Variants in PDZD8 observed in about 807,000 individuals in gnomAD.
The protein encoded by PDZD8 is PDZ domain-containing protein 8.
A neutral mutation model predicts 85.8 loss-of-function variants in PDZD8; 14 were observed. The ratio of observed to expected loss-of-function variants is 0.16; its 90% CI spans 0.11 to 0.26. The LOEUF (loss-of-function observed/expected upper bound fraction) is 0.26, where lower values mean the gene tolerates loss of function less well. Among genes scored for constraint, PDZD8 ranks in the 10% least tolerant of loss-of-function variants. The pLI is 1.00. For synonymous variants in PDZD8, 592 were observed against 568.6 expected (o/e 1.04, Z -0.59); for missense variants, 1,197 against 1,424.3 (o/e 0.84, Z 2.57).
Position 117,284,778 on chromosome 10 carries a change from A to G in PDZD8, c.1955T>C (p.Leu652Ser). Residue 652 changes from leucine to serine, a missense_variant, in exon 5 of 5, where the codon TTA becomes TCA. Transcript: ENST00000334464. ...IDDAAAPKQF[L>S]AKQEVAKDVT... is the part of the protein sequence containing the mutation. ...ATCTTTGGCCACTTCTTGCTTTGCTAAAAATTGCTTAGGTGCAGCTGCATC... is the reference window on the plus strand; with the variant it reads ...ATCTTTGGCCACTTCTTGCTTTGCTGAAAATTGCTTAGGTGCAGCTGCATC... 1 of 1,614,246 alleles carries G rather than the reference A, an allele frequency of 6.2e-7. No individual in the cohort carries two copies. Among genetic ancestry groups the G allele is most frequent in the Non-Finnish European group, 8.5e-7 (1 of 1,180,044 alleles).
chr10:117,332,210 C>G (rs1844429948), intron 2 of PDZD8, among the ~76,000 whole-genome samples: 1 of 152,070 alleles, frequency 6.6e-6, no homozygotes, highest in Non-Finnish European at 1.5e-5. Context: ...CAAAAGCATT[C>G]ATTTTGAGTG....
chr10:117,369,767 G>C (rs1845157743), intron 1 of PDZD8, among the ~76,000 whole-genome samples: 1 of 152,148 alleles, frequency 6.6e-6, no homozygotes, highest in Admixed American at 6.5e-5. Context: ...CCATCCTGTT[G>C]TTGCTCTGAG....
intron 2 of PDZD8, among the ~76,000 whole-genome samples, chr10:117,325,088 T>C (rs982530422): frequency 1.3e-5 from 2 of 152,160 alleles, no homozygotes; most frequent in Non-Finnish European, 2.9e-5. Context: ...TTCAAGGAAT[T>C]AAAGTTGACT....
chr10:117,295,579 A>C (rs561226783), intron 3 of PDZD8, among the ~76,000 whole-genome samples: 1 of 152,308 alleles, frequency 6.6e-6, no homozygotes, highest in South Asian at 2.1e-4. Flanking sequence ...AAACAAGGCA[A>C]ACATAAAACA....
rs1028343735 is a variant in PDZD8 at position 117,278,064 on chromosome 10, G to A, written c.*5204C>T. On this transcript the variant is annotated 3_prime_UTR_variant, in exon 5 of 5. Transcript: ENST00000334464. Reference sequence around the variant, plus strand: ...CTTGTCTTACTGGATGAAGAAAATTGAGGGTACATGTACCTTATACTGTCA... The same window carrying A: ...CTTGTCTTACTGGATGAAGAAAATTAAGGGTACATGTACCTTATACTGTCA... The A allele has an allele frequency of 1.3e-5, 2 of 152,152 alleles. No homozygotes were observed. The highest frequency in any genetic ancestry group is 2.9e-5 in the Non-Finnish European group (2 of 68,012). The allele number at this position is 152,152 out of a possible 1,614,324, so 9.4% of individuals were successfully genotyped here.
chr10:117,349,385 G>A lies in PDZD8; in HGVS notation c.873-8283C>T, dbSNP rs570273513. On this transcript the variant is annotated intron_variant, in intron 1 of 4. Coordinates refer to ENST00000334464, the MANE Select transcript of PDZD8 (RefSeq NM_173791.5). ...ACCAAGGTAACGAAACTGGAATATA[G>A]AGAAGGAAACATAAATCTGCATATT... is the stretch of plus-strand genomic sequence containing the variant. 3.3e-5 allele frequency among the ~76,000 whole-genome samples: 5 copies of A among 152,306 alleles called. No homozygotes were observed. In the East Asian group the frequency reaches 9.6e-4, roughly 29 times the overall value.
chr10:117,334,834 C>CAG (rs1844489561), intron 2 of PDZD8, among the ~76,000 whole-genome samples: 1 of 151,862 alleles, frequency 6.6e-6, no homozygotes, highest in African/African-American at 2.4e-5. Flanking sequence ...CCAAAGTACA[C>CAG]AGAGAAAAAG....
chr10:117,302,464 C>T (rs1486480942), intron 3 of PDZD8, among the ~76,000 whole-genome samples: 1 of 152,162 alleles, frequency 6.6e-6, no homozygotes, highest in Admixed American at 6.6e-5. Context: ...TATCAACTCC[C>T]ACAGAACTTT....
Position 117,279,773 on chromosome 10 carries a change from C to T in PDZD8, c.*3495G>A, listed in dbSNP as rs550867243. Reference sequence around the variant, plus strand: ...TTAATCCCGGGGGAGTTTGTAAAACCGTTGAAATCTGATACATTTTGAATG... The same window carrying T: ...TTAATCCCGGGGGAGTTTGTAAAACTGTTGAAATCTGATACATTTTGAATG... On this transcript the variant is annotated 3_prime_UTR_variant, in exon 5 of 5. Transcript: ENST00000334464. 4 of 152,150 alleles carry T rather than the reference C, an allele frequency of 2.6e-5. No homozygotes were observed. The highest frequency in any genetic ancestry group is 4.1e-4 in the South Asian group (2 of 4,820). The allele number at this position is 152,150 out of a possible 1,614,324, so 9.4% of individuals were successfully genotyped here. A position where few individuals can be genotyped will look rare whatever the true frequency, so the allele number is the denominator to read the frequency against.
At position 117,359,481 on chromosome 10, in the gene PDZD8, C is replaced by T. The variant is rs192779921; in HGVS notation, c.872+14875G>A. On this transcript the variant is annotated intron_variant, in intron 1 of 4. Transcript: ENST00000334464. ...ATCCCAGCACTTTGGGAGGCCGAGGCGGGCGATCACTTGAGGTCAGGAGTT... is the reference window on the plus strand; with the variant it reads ...ATCCCAGCACTTTGGGAGGCCGAGGTGGGCGATCACTTGAGGTCAGGAGTT... Among the ~76,000 whole-genome samples the T allele has an allele frequency of 4.5e-3, 679 of 149,772 alleles. 2 individuals are homozygous for T. The highest frequency in any genetic ancestry group is 7.4e-3 in the Non-Finnish European group (499 of 67,534).
intron 2 of PDZD8, among the ~76,000 whole-genome samples, chr10:117,328,282 A>T (rs1430023740): frequency 6.6e-6 from 1 of 152,104 alleles, no homozygotes; most frequent in Non-Finnish European, 1.5e-5. Context: ...CCTGCTTTTG[A>T]CCTGACATCA....
intron 3 of PDZD8, among the ~76,000 whole-genome samples, chr10:117,291,165 C>T (rs1844754648): frequency 1.3e-5 from 2 of 151,934 alleles, no homozygotes; most frequent in Admixed American, 1.3e-4. Flanking sequence ...TGAGCCATCC[C>T]ACCCGGCCAG....
At chr10:117,292,848 T>C (rs1844794293) in intron 3 of PDZD8, among the ~76,000 whole-genome samples, 1 of 151,968 alleles carries the variant, frequency 6.6e-6, no homozygotes, top group Non-Finnish European at 1.5e-5. Flanking sequence ...TCCCCAATTT[T>C]TACTGATTAT....
chr10:117,357,534 G>A (rs1480135704), intron 1 of PDZD8, among the ~76,000 whole-genome samples: 1 of 151,678 alleles, frequency 6.6e-6, no homozygotes, highest in Non-Finnish European at 1.5e-5. Context: ...GGGAGGCCGA[G>A]GTGGGCAGAT....
In PDZD8 at chr10:117,375,439, G is replaced by T. The variant is rs1423041057; in HGVS notation, c.-212C>A. ...CCTCAGACGCTCCCGAAGGGCCGGT[G>T]TGGCGGCGGCGGCAGCGGGGCCGGG... On this transcript the variant is annotated 5_prime_UTR_variant, in exon 1 of 5. Transcript: ENST00000334464. 3 of 248,562 alleles carry T rather than the reference G, an allele frequency of 1.2e-5. No homozygotes were observed. The highest frequency in any genetic ancestry group is 6.8e-5 in the African/African-American group (3 of 43,830). 15.4% of individuals were successfully genotyped at this position (248,562 alleles called of 1,614,324 possible). A position where few individuals can be genotyped will look rare whatever the true frequency, so the allele number is the denominator to read the frequency against.
At chr10:117,322,096 C>T (rs1444808558) in intron 2 of PDZD8, among the ~76,000 whole-genome samples, 2 of 152,136 alleles carry the variant, frequency 1.3e-5, no homozygotes, top group Admixed American at 6.6e-5. Flanking sequence ...TTCCCAAAAA[C>T]ATCTCCAGGT....
At position 117,375,196 on chromosome 10, in the gene PDZD8, G is replaced by A. The variant is rs78645354; in HGVS notation, c.32C>T (p.Ala11Val). The A allele has an allele frequency of 0.063, 98,210 of 1,556,554 alleles. 3,509 individuals carry two copies. Among genetic ancestry groups the A allele is most frequent in the Non-Finnish European group, 0.072 (82,963 of 1,156,462 alleles). ...GAGCGTGAGGAAGGAACCCAGCACGGCCGACGCCAGGATCATGAGCAGCAG... is the reference window on the plus strand; with the variant it reads ...GAGCGTGAGGAAGGAACCCAGCACGACCGACGCCAGGATCATGAGCAGCAG... Reference protein sequence around the residue: MGLLLMILASAVLGSFLTLLA... With the variant: MGLLLMILASVVLGSFLTLLA... The change falls in exon 1 of 5, where the codon GCC becomes GTC. Residue 11 changes from alanine (A) to valine (V), a missense_variant. This residue lies in a region of PDZD8 where 172 missense variants were observed against 137.8 expected (regional missense o/e 1.25). Coordinates refer to ENST00000334464, the MANE Select transcript of PDZD8 (RefSeq NM_173791.5).
chr10:117,361,324 A>G (rs376265408), intron 1 of PDZD8, among the ~76,000 whole-genome samples: 2 of 152,254 alleles, frequency 1.3e-5, no homozygotes, highest in South Asian at 4.1e-4. Context: ...TTTTAAAAAT[A>G]CCTTGAAAGG....
intron 1 of PDZD8, among the ~76,000 whole-genome samples, chr10:117,367,085 G>A (rs900369095): frequency 6.6e-6 from 1 of 152,158 alleles, no homozygotes; most frequent in Non-Finnish European, 1.5e-5. Context: ...GGCTTTTTGG[G>A]ATAGCCAATA....
Sources: allele counts gnomAD v4.1 joint callset (sites outside exome capture counted in the v4.1 genomes callset), GRCh38; gene constraint gnomAD v4.1.1; regional missense constraint gnomAD v4.1.1; transcripts MANE v1.5; gene names NCBI Gene and HGNC (gene_info 2026-07-23, HGNC 2026-07-21).